The following SPECC1L variants were observed in gnomAD, a reference collection of about 807,000 sequenced individuals.
SPECC1L encodes cytospin-A.
Under a neutral mutation model 116.8 loss-of-function variants are expected in SPECC1L, and 40 were observed. That is an observed-to-expected ratio of 0.34 (90% confidence interval 0.27 to 0.45). The LOEUF (loss-of-function observed/expected upper bound fraction) is 0.45. SPECC1L is among the 20% of genes least tolerant of loss of function. SPECC1L has a pLI of 1.00. For synonymous variants in SPECC1L, 504 were observed against 500.6 expected, an observed-to-expected ratio of 1.01 and a Z score of -0.09; for missense variants, 1,110 against 1,373.6, an observed-to-expected ratio of 0.81 and a Z score of 3.03.
chr22:24,382,427 G>A (rs948199432), intron 14 of SPECC1L, among the ~76,000 whole-genome samples: 3 of 152,038 alleles, frequency 2.0e-5, no homozygotes, highest in African/African-American at 7.2e-5. Flanking sequence ...TAATGAGGCC[G>A]GGCGCGGTGG....
chr22:24,289,260 G>A (rs1268203232), intron 2 of SPECC1L, among the ~76,000 whole-genome samples: 6 of 152,326 alleles, frequency 3.9e-5, no homozygotes, highest in Middle Eastern at 6.8e-3. Context: ...TGAACTTTGG[G>A]AACGAATGTG....
chr22:24,412,944 G>C (rs973587367), intron 16 of SPECC1L, among the ~76,000 whole-genome samples: 9 of 152,214 alleles, frequency 5.9e-5, no homozygotes, highest in African/African-American at 1.4e-4. Context: ...GATGCCCCCT[G>C]AAAGGGTGGG....
chr22:24,407,728 C>T (rs2042619801), intron 14 of SPECC1L, among the ~76,000 whole-genome samples: 1 of 152,052 alleles, frequency 6.6e-6, no homozygotes, highest in South Asian at 2.1e-4. Context: ...TTTTTAGTAC[C>T]TTTAATAGAC....
chr22:24,365,360 G>C (rs1426725731), intron 12 of SPECC1L, 116 bp from the exon 13 acceptor site: 2 of 957,602 alleles, frequency 2.1e-6, no homozygotes, highest in African/African-American at 3.3e-5. Context: ...ATCAATATTA[G>C]TTTTTCCTCC....
At position 24,308,496 on chromosome 22, in the gene SPECC1L, A is replaced by G. The variant is rs376630908; in HGVS notation, c.154-4817A>G. 3.6e-3 allele frequency among the ~76,000 whole-genome samples: 543 copies of G among 152,342 alleles called. 15 individuals are homozygous for G. The South Asian group carries it at 0.09, about 25-fold the overall frequency. On this transcript the variant is annotated intron_variant, in intron 3 of 16. Transcript: ENST00000314328. ...GTTATGCATTTTAGGCAGGAATACC[A>G]CAGAAGTGTATGGAAACAGATGGCT... is the stretch of plus-strand genomic sequence containing the variant.
Position 24,325,581 on chromosome 22 carries a change from A to ATT in SPECC1L, c.2146+1154_2146+1155insTT, listed in dbSNP as rs1569421899. Among the ~76,000 whole-genome samples the ATT allele has an allele frequency of 5.2e-3, 748 of 144,014 alleles. 9 individuals carry two copies. The highest frequency in any genetic ancestry group is 0.017 in the African/African-American group (644 of 38,156). The allele number at this position is 144,014 out of a possible 152,430, so 94.5% of individuals were successfully genotyped here. ...TTTATTTATTTATTTATTTATTTATAAGAGGTGACAGTAATAAAAATGTAG... is the reference window on the plus strand; with the variant it reads ...TTTATTTATTTATTTATTTATTTATATTAGAGGTGACAGTAATAAAAATGTAG... On this transcript the variant is annotated intron_variant, in intron 6 of 16. Transcript: ENST00000314328.
At position 24,375,881 on chromosome 22, in the gene SPECC1L, T is replaced by C; in HGVS notation, c.3087+6561T>C. Among the ~76,000 whole-genome samples, 2 of 151,902 alleles carry C rather than the reference T, an allele frequency of 1.3e-5. 1 individual carries two copies. The highest frequency in any genetic ancestry group is 6.3e-3 in the Middle Eastern group (2 of 316). ...ATGAGAATGACTTGAACCTGCGAGG[T>C]GGAGGTTGCAGTGAGCTGATAACAC... On this transcript the variant is annotated intron_variant, in intron 14 of 16. Coordinates refer to ENST00000314328, the MANE Select transcript of SPECC1L (RefSeq NM_015330.6).
intron 9 of SPECC1L, among the ~76,000 whole-genome samples, chr22:24,337,247 T>A (rs2041079690): frequency 6.6e-6 from 1 of 152,234 alleles, no homozygotes; most frequent in African/African-American, 2.4e-5. Flanking sequence ...GGAATATTAT[T>A]CAGCCACAAG....
intron 8 of SPECC1L, among the ~76,000 whole-genome samples, chr22:24,332,544 A>G (rs931184882): frequency 2.6e-5 from 4 of 152,346 alleles, no homozygotes; most frequent in South Asian, 2.1e-4. Flanking sequence ...TAAAAGGCCT[A>G]TTAAAATCTT....
intron 5 of SPECC1L, 129 bp downstream of exon 5, chr22:24,323,047 A>G (rs2040751712): frequency 2.8e-6 from 4 of 1,413,664 alleles, no homozygotes; most frequent in Non-Finnish European, 3.7e-6. Context: ...TGATATTTTT[A>G]AAACTTGGGA....
intron 2 of SPECC1L, among the ~76,000 whole-genome samples, chr22:24,295,492 C>T (rs562258140): frequency 5.5e-4 from 83 of 151,530 alleles, no homozygotes; most frequent in Middle Eastern, 6.8e-3. Context: ...GCCCATCCCT[C>T]ATTCCCTTCT....
At position 24,369,335 on chromosome 22, in the gene SPECC1L, C is replaced by A. The variant is rs2041830470; in HGVS notation, c.3087+15C>A. Reference sequence around the variant, plus strand: ...AAGGCTATCAGGTAATCATATGATTCTTTTGTCCCATGTGAGTAATTGGCA... The same window carrying A: ...AAGGCTATCAGGTAATCATATGATTATTTTGTCCCATGTGAGTAATTGGCA... On this transcript the variant is annotated intron_variant, in intron 14 of 16. Transcript: ENST00000314328. 5 of 1,593,856 alleles carry A rather than the reference C, an allele frequency of 3.1e-6. No homozygotes were observed. In the African/African-American group the frequency reaches 5.4e-5, roughly 17 times the overall value.
chr22:24,281,933 G>C (rs2048951445), intron 2 of SPECC1L, among the ~76,000 whole-genome samples: 1 of 152,210 alleles, frequency 6.6e-6, no homozygotes, highest in South Asian at 2.1e-4. Flanking sequence ...GAGCCTGCTG[G>C]GTGGGAGACT....
intron 6 of SPECC1L, among the ~76,000 whole-genome samples, chr22:24,325,851 AGATGT>A: frequency 6.6e-6 from 1 of 152,324 alleles, no homozygotes; most frequent in South Asian, 2.1e-4. Flanking sequence ...AACAGTAAGT[AGATGT>A]GTCATGTCCT....
chr22:24,331,334 A>C (rs1445909484), intron 8 of SPECC1L, among the ~76,000 whole-genome samples: 3 of 152,246 alleles, frequency 2.0e-5, no homozygotes, highest in African/African-American at 7.2e-5. Context: ...GGCTCAGAGA[A>C]AAGTATTGCT....
intron 14 of SPECC1L, among the ~76,000 whole-genome samples, chr22:24,384,499 C>G (rs62233983): frequency 0.019 from 2,833 of 152,168 alleles, 48 homozygotes; most frequent in African/African-American, 0.039. Context: ...ATATATGTAG[C>G]TTGAAAATTT....
At chr22:24,280,526 A>G (rs900972697) in intron 2 of SPECC1L, among the ~76,000 whole-genome samples, 27 of 151,826 alleles carry the variant, frequency 1.8e-4, no homozygotes, top group Non-Finnish European at 3.1e-4. Context: ...GTAGTGCAAA[A>G]GTAACCACAG....
At chr22:24,318,774 C>A (rs1022418725) in intron 4 of SPECC1L, among the ~76,000 whole-genome samples, 1 of 152,082 alleles carries the variant, frequency 6.6e-6, no homozygotes, top group East Asian at 1.9e-4. Context: ...ACAAAAAATA[C>A]AAAAATTAGC....
chr22:24,385,127 A>T (rs992142570), intron 14 of SPECC1L, among the ~76,000 whole-genome samples: 2 of 151,802 alleles, frequency 1.3e-5, no homozygotes, highest in Non-Finnish European at 2.9e-5. Flanking sequence ...AATACTGATT[A>T]CATGTTGAAA....
Sources: allele counts gnomAD v4.1 joint callset (sites outside exome capture counted in the v4.1 genomes callset), GRCh38; gene constraint gnomAD v4.1.1; transcripts MANE v1.5; gene names NCBI Gene and HGNC (gene_info 2026-07-23, HGNC 2026-07-21).